The following LRMDA variants were observed in gnomAD, a reference collection of about 807,000 sequenced individuals.
The protein encoded by LRMDA is leucine rich melanocyte differentiation associated.
A neutral mutation model predicts 29.8 loss-of-function variants in LRMDA; 18 were observed. The ratio of observed to expected loss-of-function variants is 0.60; its 90% CI spans 0.42 to 0.90. LRMDA has a LOEUF of 0.90. Among genes scored for constraint, LRMDA ranks in the 40% least tolerant of loss-of-function variants. LRMDA has a pLI of 0.00. For synonymous variants in LRMDA, 125 were observed against 109.4 expected (o/e 1.14, Z -0.89); for missense variants, 273 against 273.9 (o/e 1.00, Z 0.02).
intron 5 of LRMDA, among the ~76,000 whole-genome samples, chr10:76,092,600 C>T (rs1030318685): frequency 6.6e-5 from 10 of 152,320 alleles, no homozygotes; most frequent in Admixed American, 3.9e-4. Context: ...ATCTGACAGA[C>T]GCTATGTGAA....
At chr10:75,802,339 A>ATG (rs1564571684) in intron 2 of LRMDA, among the ~76,000 whole-genome samples, 11 of 140,546 alleles carry the variant, frequency 7.8e-5, no homozygotes, top group East Asian at 3.2e-4. Context: ...ACACGCGCAC[A>ATG]CACACACACA....
chr10:75,871,829 T>C (rs1349645927), intron 2 of LRMDA, among the ~76,000 whole-genome samples: 13 of 152,218 alleles, frequency 8.5e-5, no homozygotes. Flanking sequence ...TTACCCTTTG[T>C]TTTCATCAAA....
In LRMDA at chr10:75,536,838, G is replaced by A. The variant is rs113583885; in HGVS notation, c.131+98344G>A. On this transcript the variant is annotated intron_variant, in intron 2 of 6. Transcript: ENST00000611255. ...GCCTCCCAGATTGTTGGGATTACAGGCATGAGCCACTGTGCCTGGCCTACT... is the reference window on the plus strand; with the variant it reads ...GCCTCCCAGATTGTTGGGATTACAGACATGAGCCACTGTGCCTGGCCTACT... Among the ~76,000 whole-genome samples, 41 of 152,146 alleles carry A rather than the reference G, an allele frequency of 2.7e-4. 1 individual carries two copies. Among genetic ancestry groups the A allele is most frequent in the African/African-American group, 9.6e-4 (40 of 41,504 alleles).
chr10:76,256,003 A>G (rs1436631649), intron 5 of LRMDA, among the ~76,000 whole-genome samples: 1 of 152,314 alleles, frequency 6.6e-6, no homozygotes, highest in South Asian at 2.1e-4. Context: ...TTCTAATTCT[A>G]TGGCTCATTG....
intron 2 of LRMDA, among the ~76,000 whole-genome samples, chr10:75,567,955 G>T (rs963305781): frequency 6.6e-6 from 1 of 152,196 alleles, no homozygotes; most frequent in East Asian, 1.9e-4. Context: ...TGTTTAAGAA[G>T]CCCATGAAAT....
chr10:75,853,682 T>G (rs1275032877), intron 2 of LRMDA, among the ~76,000 whole-genome samples: 4 of 152,182 alleles, frequency 2.6e-5, no homozygotes, highest in Non-Finnish European at 4.4e-5. Flanking sequence ...CCTGAGATAT[T>G]GAATACCAAA....
At chr10:76,085,481 A>C (rs1849118754) in intron 5 of LRMDA, among the ~76,000 whole-genome samples, 1 of 152,168 alleles carries the variant, frequency 6.6e-6, no homozygotes, top group Non-Finnish European at 1.5e-5. Context: ...TTCACCAGCC[A>C]AGATCAAGTC....
rs150654838 is a variant in LRMDA, at chr10:75,836,692, A to G, written c.132-199316A>G. On this transcript the variant is annotated intron_variant, in intron 2 of 6. Transcript: ENST00000611255. ...TTCCTATGTCTGGAAATTCTTGTCC[A>G]CATCTTTACCTGCTTACAATCTTCT... Among the ~76,000 whole-genome samples, 1,479 of 152,320 alleles carry G rather than the reference A, an allele frequency of 9.7e-3. 24 individuals are homozygous for G. The highest frequency in any genetic ancestry group is 0.034 in the African/African-American group (1,402 of 41,556).
At position 75,786,618 on chromosome 10, in the gene LRMDA, G is replaced by A. The variant is rs116666079; in HGVS notation, c.132-249390G>A. 9.7e-3 allele frequency among the ~76,000 whole-genome samples: 1,471 copies of A among 152,074 alleles called. 24 individuals are homozygous for A. The highest frequency in any genetic ancestry group is 0.034 in the African/African-American group (1,393 of 41,496). On this transcript the variant is annotated intron_variant, in intron 2 of 6. Coordinates refer to ENST00000611255, the MANE Select transcript of LRMDA (RefSeq NM_001305581.2). ...TTCTTCAGGGCCTTTCTGAAGACCC[G>A]TGTCTTCCTGACCATATTCTCTGTG...
intron 6 of LRMDA, among the ~76,000 whole-genome samples, chr10:76,409,893 C>T (rs1337797929): frequency 1.3e-5 from 2 of 152,156 alleles, no homozygotes; most frequent in Non-Finnish European, 2.9e-5. Flanking sequence ...ATGCTAGCGA[C>T]TCAATATGGT....
Position 75,431,741 on chromosome 10 carries a change from T to C in LRMDA, c.17T>C (p.Val6Ala). 1 of 1,372,972 alleles carries C rather than the reference T, an allele frequency of 7.3e-7. No individual in the cohort carries two copies. The allele number at this position is 1,372,972 out of a possible 1,614,324, so 85.0% of individuals were successfully genotyped here. Residue 6 changes from valine (V) to alanine (A), a missense_variant, in exon 1 of 7, where the codon GTG (valine) becomes GCG (alanine). Physicochemically the swap from Val to Ala is moderately conservative, Grantham distance 64. Coordinates refer to ENST00000611255, the MANE Select transcript of LRMDA (RefSeq NM_001305581.2). ...CTGGCCGCCATGGCCGGGCTCGTGG[T>C]GCGTGGAACTCAAGTAAGTCCCGGC... MAGLV[V>A]RGTQVSYIGQ...
rs556823047 is a variant in LRMDA at position 76,557,021 on chromosome 10, A to G, written c.602-188A>G. Among the ~76,000 whole-genome samples, 6 of 152,260 alleles carry G rather than the reference A, an allele frequency of 3.9e-5. No homozygotes were observed. The East Asian group carries it at 9.7e-4, about 25-fold the overall frequency. On this transcript the variant is annotated intron_variant, in intron 6 of 6. Coordinates refer to ENST00000611255, the MANE Select transcript of LRMDA (RefSeq NM_001305581.2). ...GTAGTGACATTTTATTTCAATGTCA[A>G]CTCTGAGGTTGACAGAATCTTCTTG...
intron 2 of LRMDA, among the ~76,000 whole-genome samples, chr10:75,607,553 A>T (rs1162250538): frequency 1.3e-5 from 2 of 152,236 alleles, no homozygotes; most frequent in African/African-American, 4.8e-5. Flanking sequence ...AGTTTTTAAC[A>T]CATGATTTTC....
chr10:76,430,596 T>C (rs1456265056), intron 6 of LRMDA, among the ~76,000 whole-genome samples: 1 of 152,224 alleles, frequency 6.6e-6, no homozygotes, highest in Non-Finnish European at 1.5e-5. Flanking sequence ...TTTTGTCTCC[T>C]GGAGCTCTAC....
chr10:75,727,380 G>A lies in LRMDA; in HGVS notation c.131+288886G>A, dbSNP rs560301613. ...GAATGTGAAGAGGGCTGCCTCAACA[G>A]CCTTTAAGTTAGAAACAAAATATCT... On this transcript the variant is annotated intron_variant, in intron 2 of 6. Coordinates refer to ENST00000611255, the MANE Select transcript of LRMDA (RefSeq NM_001305581.2). 5.9e-5 allele frequency among the ~76,000 whole-genome samples: 9 copies of A among 152,282 alleles called. No individual in the cohort carries two copies. In the East Asian group the frequency reaches 1.7e-3, roughly 29 times the overall value.
At chr10:76,441,519 A>G (rs1034909892) in intron 6 of LRMDA, among the ~76,000 whole-genome samples, 3 of 152,306 alleles carry the variant, frequency 2.0e-5, no homozygotes, top group East Asian at 1.9e-4. Flanking sequence ...CAAACTAAGA[A>G]CAACAACAAA....
chr10:75,925,467 A>G (rs561845147), intron 2 of LRMDA, among the ~76,000 whole-genome samples: 15 of 152,106 alleles, frequency 9.9e-5, no homozygotes, highest in African/African-American at 1.9e-4. Flanking sequence ...TGTGTATTTG[A>G]TCTTAAAAAA....
chr10:76,458,496 G>A (rs1232765680), intron 6 of LRMDA, among the ~76,000 whole-genome samples: 1 of 152,158 alleles, frequency 6.6e-6, no homozygotes, highest in Non-Finnish European at 1.5e-5. Context: ...CTATGGATAT[G>A]GAATAGAACC....
At chr10:75,635,028 C>T (rs529136643) in intron 2 of LRMDA, among the ~76,000 whole-genome samples, 11 of 152,234 alleles carry the variant, frequency 7.2e-5, no homozygotes, top group Admixed American at 6.5e-4. Context: ...CTTAAGGGTC[C>T]ATGAAATTCC....
Sources: gnomAD v4.1 joint callset for allele counts (sites outside exome capture counted in the v4.1 genomes callset) on GRCh38, gnomAD v4.1.1 for gene constraint, MANE v1.5 for transcripts, NCBI Gene and HGNC (gene_info 2026-07-23, HGNC 2026-07-21) for gene names.